Variants in TTLL7 observed in about 807,000 individuals in gnomAD.
The protein encoded by TTLL7 is tubulin tyrosine ligase like 7.
Under a neutral mutation model 120.2 loss-of-function variants are expected in TTLL7, and 53 were observed. That is an observed-to-expected ratio of 0.44 (90% confidence interval 0.35 to 0.55). The LOEUF (loss-of-function observed/expected upper bound fraction) is 0.55. TTLL7 is among the 20% of genes least tolerant of loss of function. The pLI is 0.00. For synonymous variants in TTLL7, 353 were observed against 351.7 expected, an observed-to-expected ratio of 1.00 and a Z score of -0.04; for missense variants, 803 against 1,054.7, an observed-to-expected ratio of 0.76 and a Z score of 3.31.
At chr1:83,927,873 C>A (rs543967790) in intron 10 of TTLL7, among the ~76,000 whole-genome samples, 1 of 152,146 alleles carries the variant, frequency 6.6e-6, no homozygotes, top group Admixed American at 6.6e-5. Flanking sequence ...TCAAGTCTAA[C>A]ACATGCACCC....
At chr1:83,930,966 C>A (rs1659547790) in intron 9 of TTLL7, among the ~76,000 whole-genome samples, 1 of 150,244 alleles carries the variant, frequency 6.7e-6, no homozygotes, top group Admixed American at 6.6e-5. Context: ...GGCAGGAAAC[C>A]TTTTTCAATT....
At chr1:83,899,542 G>T (rs1023981452) in intron 18 of TTLL7, among the ~76,000 whole-genome samples, 4 of 151,942 alleles carry the variant, frequency 2.6e-5, no homozygotes, top group South Asian at 2.1e-4. Context: ...GAATTTTTCT[G>T]CGAAAAAAAT....
At position 83,869,860 on chromosome 1, in the gene TTLL7, A is replaced by G; in HGVS notation, c.*102T>C. 7.4e-7 allele frequency: 1 copy of G among 1,351,810 alleles called. No homozygotes were observed. Among genetic ancestry groups the G allele is most frequent in the Non-Finnish European group, 1.0e-6 (1 of 983,934 alleles). The allele number at this position is 1,351,810 out of a possible 1,614,324, so 83.7% of individuals were successfully genotyped here. On this transcript the variant is annotated 3_prime_UTR_variant, in exon 21 of 21. Transcript: ENST00000260505. ...TTTCACACATATATATGTCTTATAT[A>G]CATAAAACAGCACTTAATGGTCATG...
intron 9 of TTLL7, among the ~76,000 whole-genome samples, chr1:83,930,103 A>G (rs1277310914): frequency 6.6e-6 from 1 of 152,158 alleles, no homozygotes; most frequent in Non-Finnish European, 1.5e-5. Context: ...AAAAATAAGT[A>G]AAACTAAGGA....
intron 1 of TTLL7, chr1:83,980,004 T>G (rs1476090105): frequency 2.0e-5 from 3 of 152,262 alleles, no homozygotes; most frequent in Admixed American, 6.5e-5. Context: ...GCCAATCTTC[T>G]GGAATGCTTG....
In TTLL7 at chr1:83,919,691, T is replaced by G. The variant is rs1304978006; in HGVS notation, c.1500+8A>C. 6.2e-7 allele frequency: 1 copy of G among 1,605,972 alleles called. No homozygotes were observed. Among genetic ancestry groups the G allele is most frequent in the African/African-American group, 1.3e-5 (1 of 74,452 alleles). Reference sequence around the variant, plus strand: ...CTTTTTTCTCTATATAAACATTCATTCTCTTACCTTCATCCTTTTCAAAGG... The same window carrying G: ...CTTTTTTCTCTATATAAACATTCATGCTCTTACCTTCATCCTTTTCAAAGG... On this transcript the variant is annotated splice_region_variant and intron_variant, in intron 13 of 20. Transcript: ENST00000260505.
intron 14 of TTLL7, chr1:83,912,319 G>C (rs887904351): frequency 3.3e-5 from 5 of 152,138 alleles, no homozygotes; most frequent in African/African-American, 1.2e-4. Context: ...TGTTTCCAAT[G>C]ATGCCAGCTG....
chr1:83,887,896 T>C (rs755743788), intron 19 of TTLL7, among the ~76,000 whole-genome samples: 5 of 152,076 alleles, frequency 3.3e-5, no homozygotes, highest in Admixed American at 3.3e-4. Flanking sequence ...ATATTTAATA[T>C]GTAAAACAAT....
At chr1:83,908,005 G>A (rs1427963860) in intron 15 of TTLL7, among the ~76,000 whole-genome samples, 1 of 152,120 alleles carries the variant, frequency 6.6e-6, no homozygotes, top group East Asian at 1.9e-4. Context: ...TGTGCTAAGT[G>A]CTACACTTAT....
At chr1:83,961,343 G>T (rs1298470480) in intron 1 of TTLL7, among the ~76,000 whole-genome samples, 1 of 151,968 alleles carries the variant, frequency 6.6e-6, no homozygotes, top group Non-Finnish European at 1.5e-5. Context: ...TTAAGCCATG[G>T]TCCAAGAATT....
intron 19 of TTLL7, among the ~76,000 whole-genome samples, chr1:83,883,764 A>G (rs1051232414): frequency 1.3e-5 from 2 of 152,190 alleles, no homozygotes; most frequent in Middle Eastern, 3.4e-3. Context: ...ATGACTAAAA[A>G]GTTGCTGAAA....
At chr1:83,948,882 T>A (rs1045003504) in intron 4 of TTLL7, 187 bp from the exon 5 acceptor site, 1 of 425,994 alleles carries the variant, frequency 2.3e-6, no homozygotes, top group Admixed American at 4.1e-5. Flanking sequence ...AATCAGAGAA[T>A]AAAACTGCAA....
chr1:83,956,673 G>T (rs958171626), intron 1 of TTLL7, among the ~76,000 whole-genome samples: 1 of 152,086 alleles, frequency 6.6e-6, no homozygotes, highest in Non-Finnish European at 1.5e-5. Context: ...CAGGTGATCC[G>T]CCTACCTCGG....
chr1:83,936,524 A>C (rs1023367615), intron 8 of TTLL7, among the ~76,000 whole-genome samples: 3 of 152,216 alleles, frequency 2.0e-5, no homozygotes, highest in African/African-American at 7.2e-5. Flanking sequence ...CTATGATAGT[A>C]AACTGTCATT....
chr1:83,882,945 G>C lies in TTLL7; in HGVS notation c.2543+18C>G. 24 of 1,606,934 alleles carry C rather than the reference G, an allele frequency of 1.5e-5. No individual in the cohort carries two copies. Among genetic ancestry groups the C allele is most frequent in the Non-Finnish European group, 2.0e-5 (24 of 1,177,248 alleles). On this transcript the variant is annotated intron_variant, in intron 20 of 20. Coordinates refer to ENST00000260505, the MANE Select transcript of TTLL7 (RefSeq NM_024686.6). ...CTTTACATAAAACTCTCAAGGGTTAGAGAATGTGAACAAGTACCTGGAATT... is the reference window on the plus strand; with the variant it reads ...CTTTACATAAAACTCTCAAGGGTTACAGAATGTGAACAAGTACCTGGAATT...
chr1:83,911,397 A>C lies in TTLL7; in HGVS notation c.1588-34T>G, dbSNP rs1408474. 40 of 1,533,716 alleles carry C rather than the reference A, an allele frequency of 2.6e-5. No individual in the cohort carries two copies. The South Asian group carries it at 4.6e-4, about 18-fold the overall frequency. ...GATGGAAATGTGTTATTTTGTTAGA[A>C]TTCTTAAAAAAGGTTTATTGATATG... On this transcript the variant is annotated intron_variant, in intron 14 of 20. Transcript: ENST00000260505.
At chr1:83,925,724 T>C (rs1191998937) in intron 10 of TTLL7, among the ~76,000 whole-genome samples, 2 of 152,228 alleles carry the variant, frequency 1.3e-5, no homozygotes, top group African/African-American at 4.8e-5. Flanking sequence ...ATTGTACTTA[T>C]CTATGAGCAT....
rs979418056 is a variant in TTLL7, at chr1:83,868,373, C to T, written c.*1589G>A. ...TGATGATTTCAATGTCAAAGTAGTA[C>T]GGCTTATATTTTTATGGAAAACTGA... On this transcript the variant is annotated 3_prime_UTR_variant, in exon 21 of 21. Coordinates refer to ENST00000260505, the MANE Select transcript of TTLL7 (RefSeq NM_024686.6). 2.0e-5 allele frequency: 3 copies of T among 152,078 alleles called. No individual in the cohort carries two copies. Among genetic ancestry groups the T allele is most frequent in the African/African-American group, 7.2e-5 (3 of 41,420 alleles). The allele number at this position is 152,078 out of a possible 1,614,324, so 9.4% of individuals were successfully genotyped here. A position where few individuals can be genotyped will look rare whatever the true frequency, so the allele number is the denominator to read the frequency against.
intron 1 of TTLL7, among the ~76,000 whole-genome samples, chr1:83,969,174 G>A (rs1399159434): frequency 6.6e-6 from 1 of 151,736 alleles, no homozygotes; most frequent in Non-Finnish European, 1.5e-5. Context: ...TTGGTAAAGT[G>A]ACCATGTAGG....
Sources: allele counts gnomAD v4.1 joint callset (sites outside exome capture counted in the v4.1 genomes callset), GRCh38; gene constraint gnomAD v4.1.1; transcripts MANE v1.5; gene names NCBI Gene and HGNC (gene_info 2026-07-23, HGNC 2026-07-21).